IFT27: variants seen among roughly 807,000 people sequenced by gnomAD.
The protein encoded by IFT27 is intraflagellar transport 27.
Under a neutral mutation model 23.9 loss-of-function variants are expected in IFT27, and 19 were observed. The observed-to-expected ratio is 0.79, with a 90% CI of 0.55 to 1.16. The LOEUF (loss-of-function observed/expected upper bound fraction) is 1.16, where lower values mean the gene tolerates loss of function less well. Ranked by LOEUF, IFT27 falls within the 50% of genes most tolerant of loss-of-function variation. IFT27 has a pLI of 0.00. For missense variants in IFT27, 206 were observed against 228.7 expected (o/e 0.90, Z 0.64); for synonymous variants, 91 against 89.1 (o/e 1.02, Z -0.12).
Position 36,767,288 on chromosome 22 carries a change from G to C in IFT27, c.174+18C>G, listed in dbSNP as rs1938276904. 6 of 1,610,560 alleles carry C rather than the reference G, an allele frequency of 3.7e-6. No individual in the cohort carries two copies. The highest frequency in any genetic ancestry group is 5.1e-6 in the Non-Finnish European group (6 of 1,177,228). ...GCTGGGGGAGCCCTGAGTTCCCCTG[G>C]GTAAAGGCATCACTCACCACACTGT... is the stretch of plus-strand genomic sequence containing the variant. On this transcript the variant is annotated intron_variant, in intron 3 of 6. Coordinates refer to ENST00000433985, the MANE Select transcript of IFT27 (RefSeq NM_001177701.3).
Position 36,762,914 on chromosome 22 carries a change from T to C in IFT27, c.452A>G (p.Glu151Gly), listed in dbSNP as rs748967811. 3.3e-5 allele frequency: 52 copies of C among 1,573,202 alleles called. No homozygotes were observed. In the East Asian group the frequency reaches 1.0e-3, roughly 31 times the overall value. ...AGTGGAAATACTCACCACGGATGTTTCAAAACATTCCAGGCCCTGGCCCAG... is the reference window on the plus strand; with the variant it reads ...AGTGGAAATACTCACCACGGATGTTCCAAAACATTCCAGGCCCTGGCCCAG... ...WALGQGLECF[E>G]TSVKEMENFE... Residue 151 changes from glutamate (E) to glycine (G), a missense_variant, in exon 6 of 7, where the codon GAA becomes GGA. Coordinates refer to ENST00000433985, the MANE Select transcript of IFT27 (RefSeq NM_001177701.3).
intron 6 of IFT27, chr22:36,762,684 C>T (rs901747534): frequency 5.0e-6 from 2 of 402,606 alleles, no homozygotes; most frequent in African/African-American, 2.1e-5. Context: ...AGTTGAGATA[C>T]ACCTTTTCCC....
chr22:36,772,555 T>C, intron 1 of IFT27: 4 of 985,198 alleles, frequency 4.1e-6, no homozygotes, highest in Non-Finnish European at 4.8e-6. Flanking sequence ...CAGCTGTGCC[T>C]GGAGGCATTT....
intron 1 of IFT27, among the ~76,000 whole-genome samples, chr22:36,773,765 A>G (rs780886170): frequency 1.1e-4 from 16 of 152,142 alleles, no homozygotes; most frequent in Non-Finnish European, 1.6e-4. Context: ...TGGATCATAC[A>G]GCTCTGCCAC....
At chr22:36,764,934 G>A (rs1259203855) in intron 4 of IFT27, among the ~76,000 whole-genome samples, 1 of 152,170 alleles carries the variant, frequency 6.6e-6, no homozygotes, top group African/African-American at 2.4e-5. Flanking sequence ...TATTTCCGGG[G>A]TGCCAGTAAC....
rs191719244 is a variant in IFT27, at chr22:36,765,155, T to C, written c.234+983A>G. On this transcript the variant is annotated intron_variant, in intron 4 of 6. Coordinates refer to ENST00000433985, the MANE Select transcript of IFT27 (RefSeq NM_001177701.3). ...ACTCTTGAACTCCTGCTAGAACACA[T>C]TGAGCTCTGTTACATGCACGCAGGA... Among the ~76,000 whole-genome samples, 4 of 152,324 alleles carry C rather than the reference T, an allele frequency of 2.6e-5. No individual in the cohort carries two copies. In the East Asian group the frequency reaches 5.8e-4, roughly 22 times the overall value.
chr22:36,774,944 A>G (rs1206402395), intron 1 of IFT27, among the ~76,000 whole-genome samples: 1 of 152,266 alleles, frequency 6.6e-6, no homozygotes, highest in East Asian at 1.9e-4. Flanking sequence ...GCAGTCTATA[A>G]TCCAAAATAT....
intron 4 of IFT27, among the ~76,000 whole-genome samples, chr22:36,765,295 G>C (rs917404359): frequency 6.6e-5 from 10 of 152,146 alleles, no homozygotes; most frequent in African/African-American, 2.4e-4. Context: ...CAGGAGTCAG[G>C]GCCGGCTGGA....
intron 1 of IFT27, among the ~76,000 whole-genome samples, chr22:36,773,815 T>G (rs1052689909): frequency 1.3e-5 from 2 of 152,220 alleles, no homozygotes; most frequent in Non-Finnish European, 2.9e-5. Context: ...CTCATTTTTC[T>G]GGGCCTCAGT....
intron 2 of IFT27, 27 bp from the exon 3 acceptor site, chr22:36,767,392 C>T: frequency 6.2e-7 from 1 of 1,601,574 alleles, no homozygotes; most frequent in Non-Finnish European, 8.5e-7. Context: ...AGAATGTTAG[C>T]ACTGAGGGCC....
Position 36,767,684 on chromosome 22 carries a change from C to T in IFT27, c.114+99G>A. ...GGCCCTCTGAGCAGCCTTTCATCAG[C>T]TGTCTTAAGGCTTCCCTCAAGGAAC... is the stretch of plus-strand genomic sequence containing the variant. On this transcript the variant is annotated intron_variant, in intron 2 of 6. Coordinates refer to ENST00000433985, the MANE Select transcript of IFT27 (RefSeq NM_001177701.3). 5 of 1,092,736 alleles carry T rather than the reference C, an allele frequency of 4.6e-6. No homozygotes were observed. In the South Asian group the frequency reaches 6.4e-5, roughly 14 times the overall value. The allele number at this position is 1,092,736 out of a possible 1,614,324, so 67.7% of individuals were successfully genotyped here.
At chr22:36,770,635 C>A (rs1337556826) in intron 1 of IFT27, among the ~76,000 whole-genome samples, 1 of 152,200 alleles carries the variant, frequency 6.6e-6, no homozygotes, top group Admixed American at 6.5e-5. Context: ...TGTGACGCCA[C>A]CGTGTGTTTT....
chr22:36,772,497 T>C, intron 1 of IFT27: 2 of 985,308 alleles, frequency 2.0e-6, no homozygotes, highest in South Asian at 9.4e-5. Flanking sequence ...AAAATACAGA[T>C]CAATGTCAAA....
intron 1 of IFT27, among the ~76,000 whole-genome samples, chr22:36,770,002 G>T (rs921686907): frequency 2.0e-5 from 3 of 152,212 alleles, no homozygotes; most frequent in African/African-American, 7.2e-5. Context: ...CATTTGCAGA[G>T]CAACAGGATG....
At chr22:36,768,067 C>A (rs567872718) in intron 1 of IFT27, 5 of 685,516 alleles carry the variant, frequency 7.3e-6, no homozygotes, top group Non-Finnish European at 1.4e-5. Context: ...CCAGAGCACA[C>A]TTCTGCACGG....
chr22:36,767,246 C>G, intron 3 of IFT27, 60 bp downstream of exon 3: 1 of 1,399,784 alleles, frequency 7.1e-7, no homozygotes, highest in Non-Finnish European at 1.0e-6. Context: ...GGTGTGACCA[C>G]AGAGACCCTG....
At chr22:36,761,383 C>CCT (rs1938086525) in intron 6 of IFT27, 1 of 152,132 alleles carries the variant, frequency 6.6e-6, no homozygotes, top group Admixed American at 6.5e-5. Context: ...GATGGCAAAC[C>CCT]CTCTATACAG....
rs1035322211 is a variant in IFT27, at chr22:36,763,024, G to A, written c.353-11C>T. On this transcript the variant is annotated splice_polypyrimidine_tract_variant and intron_variant, in intron 5 of 6. Transcript: ENST00000433985. ...TCCCAACTAAAACACCTACTCAGAA[G>A]AAACAACCAAAATATGGCACTTCAC... 3 of 1,581,654 alleles carry A rather than the reference G, an allele frequency of 1.9e-6. No individual in the cohort carries two copies. Among genetic ancestry groups the A allele is most frequent in the East Asian group, 4.6e-5 (2 of 43,556 alleles).
chr22:36,768,131 G>A, intron 1 of IFT27: 1 of 584,356 alleles, frequency 1.7e-6, no homozygotes. Context: ...CTTACAGAGG[G>A]CTTTGGGGCC....
Sources: allele counts gnomAD v4.1 joint callset (sites outside exome capture counted in the v4.1 genomes callset), GRCh38; gene constraint gnomAD v4.1.1; transcripts MANE v1.5; gene names NCBI Gene and HGNC (gene_info 2026-07-23, HGNC 2026-07-21).